C15orf40: variants seen among roughly 807,000 people sequenced by gnomAD.
The protein encoded by C15orf40 is chromosome 15 open reading frame 40.
In C15orf40, 9 loss-of-function variants were observed where a neutral mutation model predicts 13.9. The ratio of observed to expected loss-of-function variants is 0.65; its 90% CI spans 0.39 to 1.13. C15orf40 has a LOEUF of 1.13. C15orf40 is among the 50% of genes most tolerant of loss of function. The pLI, the probability that C15orf40 is intolerant of heterozygous loss-of-function variation, is 0.01. For missense variants in C15orf40, 225 were observed against 188.5 expected, an observed-to-expected ratio of 1.19 and a Z score of -1.13; for synonymous variants, 95 against 69.2, an observed-to-expected ratio of 1.37 and a Z score of -1.85.
In C15orf40 at chr15:83,011,495, G is replaced by T; in HGVS notation, c.111+2C>A. On this transcript the variant is annotated splice_donor_variant, in intron 1 of 3. Transcript: ENST00000304177. LOFTEE classifies it high-confidence loss of function. ...TCTGCCGCCACGGGACCTGCTACTGGCCTTGGTCGTCGCACCAGCCTTCTT... is the reference window on the plus strand; with the variant it reads ...TCTGCCGCCACGGGACCTGCTACTGTCCTTGGTCGTCGCACCAGCCTTCTT... The T allele has an allele frequency of 6.2e-7, 1 of 1,603,746 alleles. No homozygotes were observed. The highest frequency in any genetic ancestry group is 8.5e-7 in the Non-Finnish European group (1 of 1,176,976).
At chr15:83,009,623 T>C (rs1383653014) in intron 2 of C15orf40, among the ~76,000 whole-genome samples, 3 of 152,174 alleles carry the variant, frequency 2.0e-5, no homozygotes, top group Admixed American at 6.5e-5. Context: ...AATCCCAATA[T>C]GTAAAACAAA....
At position 83,004,542 on chromosome 15, in the gene C15orf40, GT is replaced by G; in HGVS notation, c.*1054del. 2 of 826,534 alleles carry G rather than the reference GT, an allele frequency of 2.4e-6. No individual in the cohort carries two copies. Among genetic ancestry groups the G allele is most frequent in the Non-Finnish European group, 2.9e-6 (2 of 685,392 alleles). The allele number at this position is 826,534 out of a possible 1,614,324, so 51.2% of individuals were successfully genotyped here. On this transcript the variant is annotated 3_prime_UTR_variant, in exon 4 of 4. Coordinates refer to ENST00000304177, the MANE Select transcript of C15orf40 (RefSeq NM_144597.3). ...TACAAATACTGAAAATAGCTTCCAA[GT>G]CCTCTTTCTTCTTTTAAGGATCTTT...
At position 83,004,736 on chromosome 15, in the gene C15orf40, AAT is replaced by A. The variant is rs2031582580; in HGVS notation, c.*859_*860del. 5 of 1,004,822 alleles carry A rather than the reference AAT, an allele frequency of 5.0e-6. No homozygotes were observed. Among genetic ancestry groups the A allele is most frequent in the East Asian group, 9.5e-5 (1 of 10,486 alleles). The allele number at this position is 1,004,822 out of a possible 1,614,324, so 62.2% of individuals were successfully genotyped here. A position where few individuals can be genotyped will look rare whatever the true frequency, so the allele number is the denominator to read the frequency against. On this transcript the variant is annotated 3_prime_UTR_variant, in exon 4 of 4. Coordinates refer to ENST00000304177, the MANE Select transcript of C15orf40 (RefSeq NM_144597.3). ...TAGTCTTTAAAAGATGTAAAAAAAA[AAT>A]TTTTTTTACATTTAAATAAGCATTT...
Position 83,008,599 on chromosome 15 carries a change from C to G in C15orf40, c.315G>C (p.Arg105=), listed in dbSNP as rs2031827084. The G allele has an allele frequency of 1.2e-6, 2 of 1,613,876 alleles. No individual in the cohort carries two copies. Among genetic ancestry groups the G allele is most frequent in the Non-Finnish European group, 1.7e-6 (2 of 1,179,970 alleles). Residue 105 remains arginine, a synonymous_variant, in exon 3 of 4, where the codon CGG becomes CGC. Transcript: ENST00000304177. ...SEGEANAELC[R]YLSKVLELRK... ...TGAGTTCTAGGACCTTGGAAAGATA[C>G]CGACAGAGCTCAGCATTAGCCTCTC...
rs112108275 is a variant in C15orf40 at position 83,001,896 on chromosome 15, G to GT, written c.*3700dup. 8,282 of 152,342 alleles carry GT rather than the reference G, an allele frequency of 0.054. 479 individuals are homozygous for GT. Among genetic ancestry groups the GT allele is most frequent in the African/African-American group, 0.15 (6,033 of 41,472 alleles). 9.4% of individuals were successfully genotyped at this position (152,342 alleles called of 1,614,324 possible). A position where few individuals can be genotyped will look rare whatever the true frequency, so the allele number is the denominator to read the frequency against. ...CTCCAACAGTAGTTTGTTTTGTTTT[G>GT]TTTGTTTCTGTTTTTTTGTTGTTGT... On this transcript the variant is annotated 3_prime_UTR_variant, in exon 4 of 4. Coordinates refer to ENST00000304177, the MANE Select transcript of C15orf40 (RefSeq NM_144597.3).
chr15:82,995,098 G>T lies in C15orf40; in HGVS notation c.*10499C>A, dbSNP rs1412050912. On this transcript the variant is annotated 3_prime_UTR_variant, in exon 4 of 4. Transcript: ENST00000304177. Reference sequence around the variant, plus strand: ...GATTACAACACTGGAGCCCACAGCAGCCTTGAGAGCAGATTATCTCCTCTT... The same window carrying T: ...GATTACAACACTGGAGCCCACAGCATCCTTGAGAGCAGATTATCTCCTCTT... The T allele has an allele frequency of 6.6e-6, 1 of 151,726 alleles. No individual in the cohort carries two copies. The highest frequency in any genetic ancestry group is 1.5e-5 in the Non-Finnish European group (1 of 68,000). The allele number at this position is 151,726 out of a possible 1,614,324, so 9.4% of individuals were successfully genotyped here. A position where few individuals can be genotyped will look rare whatever the true frequency, so the allele number is the denominator to read the frequency against.
At position 83,001,386 on chromosome 15, in the gene C15orf40, T is replaced by C. The variant is rs906798410; in HGVS notation, c.*4211A>G. 1.3e-6 allele frequency: 1 copy of C among 779,622 alleles called. No homozygotes were observed. The highest frequency in any genetic ancestry group is 1.9e-5 in the African/African-American group (1 of 53,364). 48.3% of individuals were successfully genotyped at this position (779,622 alleles called of 1,614,324 possible). A position where few individuals can be genotyped will look rare whatever the true frequency, so the allele number is the denominator to read the frequency against. ...TAATTATCATTTATTAAGGTGCGGG[T>C]GATAGATGACAGATGCAGTGCTAGA... On this transcript the variant is annotated 3_prime_UTR_variant, in exon 4 of 4. Transcript: ENST00000304177.
chr15:83,001,352 T>C lies in C15orf40; in HGVS notation c.*4245A>G. 10 of 940,522 alleles carry C rather than the reference T, an allele frequency of 1.1e-5. No homozygotes were observed. Among genetic ancestry groups the C allele is most frequent in the Non-Finnish European group, 1.3e-5 (10 of 789,030 alleles). The allele number at this position is 940,522 out of a possible 1,614,324, so 58.3% of individuals were successfully genotyped here. A position where few individuals can be genotyped will look rare whatever the true frequency, so the allele number is the denominator to read the frequency against. ...TTAATAAGTGATTAATACATCATGTTTGCACAAGTAATTATCATTTATTAA... is the reference window on the plus strand; with the variant it reads ...TTAATAAGTGATTAATACATCATGTCTGCACAAGTAATTATCATTTATTAA... On this transcript the variant is annotated 3_prime_UTR_variant, in exon 4 of 4. Transcript: ENST00000304177.
At position 83,004,517 on chromosome 15, in the gene C15orf40, T is replaced by C; in HGVS notation, c.*1080A>G. 3 of 809,852 alleles carry C rather than the reference T, an allele frequency of 3.7e-6. No individual in the cohort carries two copies. Among genetic ancestry groups the C allele is most frequent in the Non-Finnish European group, 4.5e-6 (3 of 670,104 alleles). The allele number at this position is 809,852 out of a possible 1,614,324, so 50.2% of individuals were successfully genotyped here. On this transcript the variant is annotated 3_prime_UTR_variant, in exon 4 of 4. Transcript: ENST00000304177. ...ATAGATGTAATTTCTGACAAGCTTT[T>C]ACAAATACTGAAAATAGCTTCCAAG...
downstream of C15orf40, among the ~76,000 whole-genome samples, chr15:82,991,544 C>CA (rs1445625791): frequency 4.5e-4 from 67 of 150,258 alleles, no homozygotes; most frequent in African/African-American, 7.3e-4. Flanking sequence ...GACTTCATCT[C>CA]ATAAAAAAAA....
intron 2 of C15orf40, among the ~76,000 whole-genome samples, chr15:83,009,323 G>T (rs1183357999): frequency 6.6e-6 from 1 of 152,010 alleles, no homozygotes; most frequent in Non-Finnish European, 1.5e-5. Flanking sequence ...TTTTACAAAT[G>T]AGCCATGGCA....
chr15:82,993,952 TTTTG>T (rs1470578810), downstream of C15orf40, among the ~76,000 whole-genome samples: 3 of 152,218 alleles, frequency 2.0e-5, no homozygotes, highest in Non-Finnish European at 4.4e-5. Context: ...TTTTAGAGTT[TTTTG>T]TTTGTGTTTT....
rs993866263 is a variant in C15orf40, at chr15:83,002,534, G to A, written c.*3063C>T. On this transcript the variant is annotated 3_prime_UTR_variant, in exon 4 of 4. Coordinates refer to ENST00000304177, the MANE Select transcript of C15orf40 (RefSeq NM_144597.3). ...GGTAATTCTTTCTTCTATAGTTACT[G>A]CTTTAGGGAACTTGTGTTATAGAAT... 2.0e-5 allele frequency: 3 copies of A among 152,186 alleles called. No homozygotes were observed. Among genetic ancestry groups the A allele is most frequent in the Admixed American group, 2.0e-4 (3 of 15,278 alleles). The allele number at this position is 152,186 out of a possible 1,614,324, so 9.4% of individuals were successfully genotyped here.
Position 83,008,575 on chromosome 15 carries a change from G to A in C15orf40, c.339C>T (p.Leu113=). ...TATCCAAAACCACATCACTCTTCCT[G>A]AGTTCTAGGACCTTGGAAAGATACC... ...LCRYLSKVLE[L]RKSDVVLDKG... Residue 113 remains leucine (L), a synonymous_variant, in exon 3 of 4, where the codon CTC becomes CTT. Coordinates refer to ENST00000304177, the MANE Select transcript of C15orf40 (RefSeq NM_144597.3). 6.2e-7 allele frequency: 1 copy of A among 1,613,512 alleles called. No individual in the cohort carries two copies. Among genetic ancestry groups the A allele is most frequent in the Non-Finnish European group, 8.5e-7 (1 of 1,179,856 alleles).
chr15:82,997,701 C>A lies in C15orf40; in HGVS notation c.*7896G>T. The A allele has an allele frequency of 5.3e-6, 1 of 189,040 alleles. No homozygotes were observed. The highest frequency in any genetic ancestry group is 6.2e-5 in the South Asian group (1 of 16,258). 11.7% of individuals were successfully genotyped at this position (189,040 alleles called of 1,614,324 possible). ...GCCGCCATTGTCATCCTGGCCCGTTCTCAATGAGCTGTTGGGCACACCTCC... is the reference window on the plus strand; with the variant it reads ...GCCGCCATTGTCATCCTGGCCCGTTATCAATGAGCTGTTGGGCACACCTCC... On this transcript the variant is annotated 3_prime_UTR_variant, in exon 4 of 4. Coordinates refer to ENST00000304177, the MANE Select transcript of C15orf40 (RefSeq NM_144597.3).
downstream of C15orf40, chr15:82,991,958 GT>G: frequency 7.9e-7 from 1 of 1,269,642 alleles, no homozygotes; most frequent in Non-Finnish European, 1.0e-6. Flanking sequence ...GCTCACACCT[GT>G]TATCCCAGCA....
chr15:82,989,143 A>C, downstream of C15orf40: 8 of 1,613,924 alleles, frequency 5.0e-6, no homozygotes, highest in Non-Finnish European at 6.8e-6. Context: ...ATTGTTGAGG[A>C]ATGGAATAGC....
chr15:83,010,885 A>C (rs2031969487), intron 1 of C15orf40: 1 of 156,138 alleles, frequency 6.4e-6, no homozygotes, highest in African/African-American at 2.4e-5. Flanking sequence ...CTTGCTCTCA[A>C]GGAGCTCGGA....
rs1252290794 is a variant in C15orf40 at position 83,010,373 on chromosome 15, C to T, written c.112-10G>A. 1 of 1,613,930 alleles carries T rather than the reference C, an allele frequency of 6.2e-7. No homozygotes were observed. Among genetic ancestry groups the T allele is most frequent in the Non-Finnish European group, 8.5e-7 (1 of 1,179,942 alleles). On this transcript the variant is annotated splice_polypyrimidine_tract_variant and intron_variant, in intron 1 of 3. Transcript: ENST00000304177. Reference sequence around the variant, plus strand: ...TGCTCTGGCTTTTACCCTAAAATGACAACCACACAACTTTACAGGTTACAA... The same window carrying T: ...TGCTCTGGCTTTTACCCTAAAATGATAACCACACAACTTTACAGGTTACAA...
Sources: gnomAD v4.1 joint callset for allele counts (sites outside exome capture counted in the v4.1 genomes callset) on GRCh38, gnomAD v4.1.1 for gene constraint, MANE v1.5 for transcripts, NCBI Gene and HGNC (gene_info 2026-07-23, HGNC 2026-07-21) for gene names.